The following DTX4 variants were observed in gnomAD, a reference collection of about 807,000 sequenced individuals.
The protein encoded by DTX4 is E3 ubiquitin-protein ligase DTX4.
A neutral mutation model predicts 57.6 loss-of-function variants in DTX4; 28 were observed. The ratio of observed to expected loss-of-function variants is 0.49; its 90% CI spans 0.36 to 0.67. The LOEUF is 0.67. Ranked by LOEUF, DTX4 falls within the 30% of genes least tolerant of loss-of-function variation. DTX4 has a pLI of 0.00. For missense variants in DTX4, 715 were observed against 836.8 expected (o/e 0.85, Z 1.80); for synonymous variants, 316 against 331.0 (o/e 0.95, Z 0.49).
At chr11:59,177,313 A>T (rs76266256) in intron 1 of DTX4, among the ~76,000 whole-genome samples, 4,553 of 152,264 alleles carry the variant, frequency 0.03, 255 homozygotes, top group African/African-American at 0.1. Context: ...TTCATACCCC[A>T]GGAGATTCTG....
At position 59,181,941 on chromosome 11, in the gene DTX4, C is replaced by T; in HGVS notation, c.414C>T (p.Asn138=). 6.2e-7 allele frequency: 1 copy of T among 1,614,004 alleles called. No individual in the cohort carries two copies. The highest frequency in any genetic ancestry group is 8.5e-7 in the Non-Finnish European group (1 of 1,179,870). ...SIGFSYVIDF[N]TMGQINRQTQ... is the part of the protein sequence containing the mutation. The stretch of plus-strand genomic sequence containing the variant: ...GCTTTAGCTACGTAATTGACTTCAA[C>T]ACCATGGGCCAGATCAACCGTCAGA... Residue 138 remains asparagine (N), a synonymous_variant, in exon 2 of 9, where the codon AAC becomes AAT. Transcript: ENST00000227451.
At chr11:59,175,059 C>T (rs1862378679) in intron 1 of DTX4, among the ~76,000 whole-genome samples, 1 of 152,174 alleles carries the variant, frequency 6.6e-6, no homozygotes, top group East Asian at 1.9e-4. Flanking sequence ...TAGCTCTGAG[C>T]CCCCTCCTCT....
chr11:59,199,632 TATC>T, intron 7 of DTX4, 49 bp from the exon 8 acceptor site: 1 of 1,377,244 alleles, frequency 7.3e-7, no homozygotes, highest in Admixed American at 2.0e-5. Context: ...ACCCCGCTCT[TATC>T]AGAAATATTT....
intron 4 of DTX4, among the ~76,000 whole-genome samples, chr11:59,190,101 C>T (rs1191902925): frequency 6.6e-6 from 1 of 152,190 alleles, no homozygotes; most frequent in African/African-American, 2.4e-5. Context: ...ACAAGAGAAG[C>T]AGGGCAACTG....
chr11:59,205,323 T>G lies in DTX4; in HGVS notation c.*414T>G, dbSNP rs1862792242. 7.7e-5 allele frequency: 15 copies of G among 195,130 alleles called. No individual in the cohort carries two copies. The South Asian group carries it at 1.5e-3, about 20-fold the overall frequency. 12.1% of individuals were successfully genotyped at this position (195,130 alleles called of 1,614,324 possible). On this transcript the variant is annotated 3_prime_UTR_variant, in exon 9 of 9. Coordinates refer to ENST00000227451, the MANE Select transcript of DTX4 (RefSeq NM_015177.2). Reference sequence around the variant, plus strand: ...GCTTCTTGCTACTTCCACTCTGCTTTGAGACTGGAGTTTCTGCTATTCTCC... The same window carrying G: ...GCTTCTTGCTACTTCCACTCTGCTTGGAGACTGGAGTTTCTGCTATTCTCC...
rs1277177750 is a variant in DTX4, at chr11:59,205,663, T to C, written c.*754T>C. ...CCCATGATGCTGTTTCTAGACCCTC[T>C]CTGATCAAACCAGAGCCTGCATCCC... On this transcript the variant is annotated 3_prime_UTR_variant, in exon 9 of 9. Coordinates refer to ENST00000227451, the MANE Select transcript of DTX4 (RefSeq NM_015177.2). The C allele has an allele frequency of 6.5e-6, 1 of 152,776 alleles. No homozygotes were observed. Among genetic ancestry groups the C allele is most frequent in the Non-Finnish European group, 1.5e-5 (1 of 68,190 alleles). The allele number at this position is 152,776 out of a possible 1,614,324, so 9.5% of individuals were successfully genotyped here.
intron 2 of DTX4, 72 bp from the exon 3 acceptor site, chr11:59,188,663 A>G (rs1448592199): frequency 5.2e-6 from 7 of 1,340,928 alleles, no homozygotes; most frequent in Admixed American, 1.8e-5. Flanking sequence ...ACTGCATTTT[A>G]TTAGAATTAA....
intron 6 of DTX4, 103 bp downstream of exon 6, chr11:59,192,353 T>A (rs1322496371): frequency 8.7e-6 from 12 of 1,381,686 alleles, no homozygotes; most frequent in African/African-American, 1.4e-5. Context: ...ATCTGGGAAG[T>A]CTTAGAGGTT....
chr11:59,183,185 G>C (rs1862487491), intron 2 of DTX4, among the ~76,000 whole-genome samples: 1 of 152,206 alleles, frequency 6.6e-6, no homozygotes, highest in Non-Finnish European at 1.5e-5. Flanking sequence ...TTCTGACTCT[G>C]CTGTGCTCCT....
chr11:59,190,080 G>C (rs1167851779), intron 4 of DTX4, among the ~76,000 whole-genome samples: 1 of 152,156 alleles, frequency 6.6e-6, no homozygotes, highest in African/African-American at 2.4e-5. Context: ...AATTACTAGA[G>C]CTTAATTCTT....
chr11:59,191,156 T>G lies in DTX4; in HGVS notation c.1202T>G (p.Val401Gly). 6.4e-7 allele frequency: 1 copy of G among 1,572,940 alleles called. No homozygotes were observed. Among genetic ancestry groups the G allele is most frequent in the Non-Finnish European group, 8.6e-7 (1 of 1,159,134 alleles). Residue 401 changes from valine (V) to glycine (G), a missense_variant, in exon 5 of 9, where the codon GTC (valine) becomes GGC (glycine). Val to Gly is a moderately radical substitution (Grantham distance 109). Transcript: ENST00000227451. ...EEVLKKYLQK[V>G]RHPPDEDCTI... ...GTGCTAAAAAAATATCTACAGAAAG[T>G]CCGGCACCCACCAGATGAGGTGAGT... is the stretch of plus-strand genomic sequence containing the variant.
intron 5 of DTX4, 87 bp downstream of exon 5, chr11:59,191,262 C>A: frequency 7.4e-7 from 1 of 1,350,060 alleles, no homozygotes; most frequent in Non-Finnish European, 1.0e-6. Context: ...CAGGATATGG[C>A]GGGGGCTGCA....
intron 1 of DTX4, among the ~76,000 whole-genome samples, chr11:59,174,024 G>A (rs1862363536): frequency 1.3e-5 from 2 of 152,140 alleles, no homozygotes; most frequent in African/African-American, 4.8e-5. Context: ...ACAGCTGTTT[G>A]AGCAGAGTCT....
chr11:59,190,489 C>G (rs550019959), intron 4 of DTX4, among the ~76,000 whole-genome samples: 2 of 152,266 alleles, frequency 1.3e-5, no homozygotes, highest in East Asian at 3.9e-4. Flanking sequence ...CATCCTCTAC[C>G]TTCAGGTTGG....
intron 6 of DTX4, among the ~76,000 whole-genome samples, chr11:59,192,892 T>C (rs1410985738): frequency 6.6e-6 from 1 of 152,218 alleles, no homozygotes; most frequent in African/African-American, 2.4e-5. Context: ...AGCTGGTTCT[T>C]TGGAATCTGG....
chr11:59,181,857 C>A lies in DTX4; in HGVS notation c.330C>A (p.Gly110=), dbSNP rs754051185. The A allele has an allele frequency of 2.5e-6, 4 of 1,613,860 alleles. No homozygotes were observed. Among genetic ancestry groups the A allele is most frequent in the African/African-American group, 1.3e-5 (1 of 74,914 alleles). Residue 110 remains glycine (G), a synonymous_variant, in exon 2 of 9, where the codon GGC becomes GGA. Transcript: ENST00000227451. ...GSWTPYDMEV[G]ITIQHAYEKQ... ...GGACGCCCTACGACATGGAAGTGGG[C>A]ATCACCATCCAGCATGCCTATGAGA...
intron 7 of DTX4, among the ~76,000 whole-genome samples, chr11:59,198,923 C>T (rs1275049719): frequency 5.3e-5 from 8 of 152,168 alleles, no homozygotes; most frequent in Non-Finnish European, 7.3e-5. Flanking sequence ...TCATTCTGGG[C>T]ACTGATTAGG....
rs1159462947 is a variant in DTX4 at position 59,206,078 on chromosome 11, ATTTCT to A, written c.*1174_*1178del. The A allele has an allele frequency of 2.6e-5, 4 of 151,946 alleles. No individual in the cohort carries two copies. Among genetic ancestry groups the A allele is most frequent in the African/African-American group, 9.7e-5 (4 of 41,298 alleles). The allele number at this position is 151,946 out of a possible 1,614,324, so 9.4% of individuals were successfully genotyped here. On this transcript the variant is annotated 3_prime_UTR_variant, in exon 9 of 9. Coordinates refer to ENST00000227451, the MANE Select transcript of DTX4 (RefSeq NM_015177.2). ...GTGAGGGCTGAACTCATCCTTTTAT[ATTTCT>A]TTTCAAGATTGGATCAGAGCTCATC... is the stretch of plus-strand genomic sequence containing the variant.
At chr11:59,198,191 C>T (rs955345106) in intron 7 of DTX4, among the ~76,000 whole-genome samples, 4 of 152,168 alleles carry the variant, frequency 2.6e-5, no homozygotes, top group Admixed American at 1.3e-4. Flanking sequence ...GAGGCAGAGT[C>T]GTGACTGCTC....
Sources: gnomAD v4.1 joint callset for allele counts (sites outside exome capture counted in the v4.1 genomes callset) on GRCh38, gnomAD v4.1.1 for gene constraint, MANE v1.5 for transcripts, NCBI Gene and HGNC (gene_info 2026-07-23, HGNC 2026-07-21) for gene names.